The following FMNL2 variants were observed in gnomAD, a reference collection of about 807,000 sequenced individuals.
FMNL2 encodes formin-like protein 2.
Under a neutral mutation model 130.2 loss-of-function variants are expected in FMNL2, and 51 were observed. The ratio of observed to expected loss-of-function variants is 0.39; its 90% CI spans 0.31 to 0.49. The LOEUF is 0.49. FMNL2 is among the 20% of genes least tolerant of loss of function. The pLI, the probability that FMNL2 is intolerant of heterozygous loss-of-function variation, is 0.85. For missense variants in FMNL2, 977 were observed against 1,316.2 expected, an observed-to-expected ratio of 0.74 and a Z score of 3.99; for synonymous variants, 465 against 467.1, an observed-to-expected ratio of 1.00 and a Z score of 0.06.
chr2:152,558,826 A>G lies in FMNL2; in HGVS notation c.443+3A>G. ...TCATTTGCACAGTACGCGGTAACGT[A>G]AGTAAAACTTGGCTTGCTTGCATTT... On this transcript the variant is annotated splice_donor_region_variant and intron_variant, in intron 5 of 25. Transcript: ENST00000288670. The G allele has an allele frequency of 6.2e-7, 1 of 1,612,576 alleles. No homozygotes were observed. The highest frequency in any genetic ancestry group is 8.5e-7 in the Non-Finnish European group (1 of 1,179,318).
At chr2:152,614,115 C>CT (rs1338814590) in intron 11 of FMNL2, among the ~76,000 whole-genome samples, 1 of 152,222 alleles carries the variant, frequency 6.6e-6, no homozygotes, top group East Asian at 1.9e-4. Context: ...TCTTCCCCTA[C>CT]TGGAACCACT....
intron 1 of FMNL2, among the ~76,000 whole-genome samples, chr2:152,458,906 G>A (rs564180608): frequency 6.6e-6 from 1 of 152,184 alleles, no homozygotes; most frequent in Non-Finnish European, 1.5e-5. Flanking sequence ...CTTGTGGGAA[G>A]TGTGTAATAG....
intron 1 of FMNL2, among the ~76,000 whole-genome samples, chr2:152,412,443 ATTTTAT>A (rs1686340408): frequency 1.1e-5 from 1 of 92,072 alleles, no homozygotes; most frequent in African/African-American, 4.8e-5. Context: ...TCTTCTGTAT[ATTTTAT>A]ATATATATAT....
intron 1 of FMNL2, among the ~76,000 whole-genome samples, chr2:152,367,456 T>A (rs1683624959): frequency 6.6e-6 from 1 of 152,236 alleles, no homozygotes; most frequent in Non-Finnish European, 1.5e-5. Context: ...TGTTTCTATA[T>A]ACTTAATGCT....
intron 1 of FMNL2, among the ~76,000 whole-genome samples, chr2:152,370,358 G>T (rs1199843935): frequency 6.6e-6 from 1 of 152,138 alleles, no homozygotes; most frequent in Non-Finnish European, 1.5e-5. Context: ...TGAAGACTCT[G>T]CTGTCATGAC....
intron 1 of FMNL2, among the ~76,000 whole-genome samples, chr2:152,347,798 C>T (rs958580013): frequency 6.6e-6 from 1 of 152,162 alleles, no homozygotes; most frequent in South Asian, 2.1e-4. Flanking sequence ...CTCATGGCCA[C>T]GTTTGTTGGT....
At chr2:152,618,577 T>C in intron 13 of FMNL2, among the ~76,000 whole-genome samples, 1 of 152,244 alleles carries the variant, frequency 6.6e-6, no homozygotes, top group Non-Finnish European at 1.5e-5. Flanking sequence ...ATTTCTGCTC[T>C]GTTTCTTTCC....
At chr2:152,539,312 T>A in intron 2 of FMNL2, 1 of 159,106 alleles carries the variant, frequency 6.3e-6, no homozygotes, top group Admixed American at 6.2e-5. Context: ...CACTCAAAAT[T>A]GGCAGCTTCC....
At chr2:152,533,688 A>G (rs1359553597) in intron 2 of FMNL2, among the ~76,000 whole-genome samples, 1 of 151,858 alleles carries the variant, frequency 6.6e-6, no homozygotes, top group Non-Finnish European at 1.5e-5. Flanking sequence ...CTGGCTCTGT[A>G]GATCAATTTC....
chr2:152,477,284 G>A (rs951579811), intron 1 of FMNL2, among the ~76,000 whole-genome samples: 1 of 152,184 alleles, frequency 6.6e-6, no homozygotes, highest in Non-Finnish European at 1.5e-5. Flanking sequence ...CTCATCATTA[G>A]CCTTCACTTT....
At chr2:152,527,628 G>A (rs1481574121) in intron 2 of FMNL2, among the ~76,000 whole-genome samples, 1 of 151,868 alleles carries the variant, frequency 6.6e-6, no homozygotes, top group African/African-American at 2.4e-5. Context: ...GATGACCAGT[G>A]GGTTTTCTGT....
chr2:152,612,318 A>G (rs764895006), intron 11 of FMNL2, among the ~76,000 whole-genome samples: 19 of 152,158 alleles, frequency 1.2e-4, no homozygotes, highest in Non-Finnish European at 2.4e-4. Flanking sequence ...CTAGGAGTTC[A>G]AGACCAGGCT....
At chr2:152,412,453 T>C (rs1686354349) in intron 1 of FMNL2, among the ~76,000 whole-genome samples, 1 of 7,118 alleles carries the variant, frequency 1.4e-4, no homozygotes, top group Non-Finnish European at 3.3e-4. Flanking sequence ...ATTTTATATA[T>C]ATATATATAT....
intron 4 of FMNL2, among the ~76,000 whole-genome samples, chr2:152,549,390 A>C (rs1579938370): frequency 6.6e-6 from 1 of 152,228 alleles, no homozygotes; most frequent in Admixed American, 6.5e-5. Flanking sequence ...GCAAATCAGA[A>C]ACCCCCAATA....
chr2:152,363,052 T>A (rs1438632377), intron 1 of FMNL2, among the ~76,000 whole-genome samples: 1 of 152,200 alleles, frequency 6.6e-6, no homozygotes, highest in South Asian at 2.1e-4. Flanking sequence ...ATTGGAGTGG[T>A]TGATAGCTGA....
At chr2:152,583,602 A>G (rs1696907761) in intron 9 of FMNL2, among the ~76,000 whole-genome samples, 1 of 152,160 alleles carries the variant, frequency 6.6e-6, no homozygotes. Context: ...TTTTACCTCA[A>G]ATAACGATGT....
chr2:152,494,530 C>A (rs1391806087), intron 1 of FMNL2, among the ~76,000 whole-genome samples: 2 of 152,118 alleles, frequency 1.3e-5, no homozygotes, highest in African/African-American at 4.8e-5. Flanking sequence ...CTGAAAAATA[C>A]GGGTATCAAA....
Position 152,593,900 on chromosome 2 carries a change from TGTGAGAGA to T in FMNL2, c.876+12853_876+12860del, listed in dbSNP as rs774418966. On this transcript the variant is annotated intron_variant, in intron 9 of 25. Coordinates refer to ENST00000288670, the MANE Select transcript of FMNL2 (RefSeq NM_052905.4). ...GTGTGTGTGTGTGTGTGTGTGTGTG[TGTGAGAGA>T]GAGAGAGAGAGAGAGAGAGCGAGAG... Among the ~76,000 whole-genome samples, 354 of 80,816 alleles carry T rather than the reference TGTGAGAGA, an allele frequency of 4.4e-3. 1 individual carries two copies. Among genetic ancestry groups the T allele is most frequent in the African/African-American group, 0.013 (290 of 22,444 alleles). 53.0% of individuals were successfully genotyped at this position (80,816 alleles called of 152,430 possible). A position where few individuals can be genotyped will look rare whatever the true frequency, so the allele number is the denominator to read the frequency against.
chr2:152,574,295 G>C (rs949294959), intron 6 of FMNL2, among the ~76,000 whole-genome samples: 1 of 151,574 alleles, frequency 6.6e-6, no homozygotes, highest in East Asian at 1.9e-4. Flanking sequence ...AATTAGCGGG[G>C]CATGGTGGTA....
Sources: allele counts gnomAD v4.1 joint callset (sites outside exome capture counted in the v4.1 genomes callset), GRCh38; gene constraint gnomAD v4.1.1; transcripts MANE v1.5; gene names NCBI Gene and HGNC (gene_info 2026-07-23, HGNC 2026-07-21).